The following ANKRD44 variants were observed in gnomAD, a reference collection of about 807,000 sequenced individuals.
ANKRD44 encodes serine/threonine-protein phosphatase 6 regulatory ankyrin repeat subunit B.
Under a neutral mutation model 116.0 loss-of-function variants are expected in ANKRD44, and 35 were observed. The ratio of observed to expected loss-of-function variants is 0.30; its 90% CI spans 0.23 to 0.40. ANKRD44 has a LOEUF of 0.40. Among genes scored for constraint, ANKRD44 ranks in the 10% least tolerant of loss-of-function variants. The probability of loss-of-function intolerance (pLI) is 1.00; values close to 1 mark genes in which losing one functional copy is unlikely to be tolerated. For missense variants in ANKRD44, 1,014 were observed against 1,242.6 expected (o/e 0.82, Z 2.77); for synonymous variants, 435 against 461.8 (o/e 0.94, Z 0.74).
chr2:197,138,141 G>C (rs1263773112), intron 3 of ANKRD44, among the ~76,000 whole-genome samples: 1 of 152,158 alleles, frequency 6.6e-6, no homozygotes, highest in Non-Finnish European at 1.5e-5. Context: ...CATTTCACCA[G>C]GTGCTAAGGA....
rs148448914 is a variant in ANKRD44 at position 197,289,033 on chromosome 2, T to C, written c.27+21545A>G. Among the ~76,000 whole-genome samples, 30 of 152,256 alleles carry C rather than the reference T, an allele frequency of 2.0e-4. 1 individual carries two copies. In the East Asian group the frequency reaches 5.8e-3, roughly 29 times the overall value. ...ACCTAGCAACAATATTTTGTATATT[T>C]CAAAGTAACTAGAAGAGAGGCTCTA... On this transcript the variant is annotated intron_variant, in intron 1 of 27. Coordinates refer to ENST00000282272, the MANE Select transcript of ANKRD44 (RefSeq NM_001195144.2).
intron 1 of ANKRD44, among the ~76,000 whole-genome samples, chr2:197,205,796 G>A (rs2081193123): frequency 6.6e-6 from 1 of 152,188 alleles, no homozygotes; most frequent in African/African-American, 2.4e-5. Flanking sequence ...ACCCAGCCTT[G>A]TGTCATCAGG....
intron 21 of ANKRD44, among the ~76,000 whole-genome samples, chr2:197,004,740 C>T (rs1478905100): frequency 2.0e-5 from 3 of 152,006 alleles, no homozygotes; most frequent in African/African-American, 4.8e-5. Context: ...ACACAAACCC[C>T]CTTACTCAAT....
At chr2:197,118,087 C>A (rs1036031584) in intron 8 of ANKRD44, among the ~76,000 whole-genome samples, 1 of 151,814 alleles carries the variant, frequency 6.6e-6, no homozygotes, top group African/African-American at 2.4e-5. Context: ...GTGGCGTACA[C>A]CTGTAATCCC....
At chr2:196,992,051 T>C (rs2075928067) in intron 27 of ANKRD44, among the ~76,000 whole-genome samples, 1 of 152,222 alleles carries the variant, frequency 6.6e-6, no homozygotes, top group African/African-American at 2.4e-5. Context: ...TAACTCATAA[T>C]ATAGGTTCCT....
intron 1 of ANKRD44, among the ~76,000 whole-genome samples, chr2:197,274,751 G>T (rs1336482958): frequency 3.9e-5 from 6 of 151,934 alleles, no homozygotes; most frequent in African/African-American, 1.5e-4. Flanking sequence ...AGTACTTTAG[G>T]GTTTCTTTAA....
At chr2:197,248,402 A>G (rs1282050134) in intron 1 of ANKRD44, among the ~76,000 whole-genome samples, 1 of 152,008 alleles carries the variant, frequency 6.6e-6, no homozygotes, top group Non-Finnish European at 1.5e-5. Flanking sequence ...CACACTACAG[A>G]TTTGAGATTT....
chr2:197,183,336 GT>G (rs2125588163), intron 2 of ANKRD44, among the ~76,000 whole-genome samples: 1 of 152,128 alleles, frequency 6.6e-6, no homozygotes, highest in South Asian at 2.1e-4. Flanking sequence ...AAAGCAAGGG[GT>G]AAGAAGACAA....
chr2:197,310,535 C>A (rs1030762579), intron 1 of ANKRD44, 43 bp downstream of exon 1: 1 of 1,065,584 alleles, frequency 9.4e-7, no homozygotes, highest in Non-Finnish European at 1.1e-6. Flanking sequence ...TCCGCGCCGC[C>A]CCGCGCCCGC....
intron 1 of ANKRD44, among the ~76,000 whole-genome samples, chr2:197,284,611 C>G (rs545538086): frequency 1.3e-5 from 2 of 151,794 alleles, no homozygotes; most frequent in Non-Finnish European, 2.9e-5. Context: ...TAGAGCCAGG[C>G]GTGGTGGCTC....
chr2:197,017,988 G>A (rs1173036817), intron 17 of ANKRD44, among the ~76,000 whole-genome samples: 1 of 152,214 alleles, frequency 6.6e-6, no homozygotes, highest in Admixed American at 6.5e-5. Context: ...TCAGGTATCT[G>A]GCAGGAATCT....
intron 1 of ANKRD44, among the ~76,000 whole-genome samples, chr2:197,305,852 C>T (rs1481026247): frequency 2.0e-5 from 3 of 151,514 alleles, no homozygotes; most frequent in African/African-American, 7.3e-5. Flanking sequence ...TAGAAGGAAA[C>T]ATATCAAAAT....
At chr2:197,192,072 A>G (rs1418433165) in intron 1 of ANKRD44, among the ~76,000 whole-genome samples, 1 of 152,190 alleles carries the variant, frequency 6.6e-6, no homozygotes, top group East Asian at 1.9e-4. Context: ...CCATCCGGCT[A>G]TGAAGTCATC....
At chr2:197,008,021 C>T (rs895337163) in intron 19 of ANKRD44, 98 bp from the exon 20 acceptor site, 5 of 796,264 alleles carry the variant, frequency 6.3e-6, no homozygotes, top group East Asian at 5.1e-5. Flanking sequence ...TTCTCTTCCC[C>T]TCTCCTTTTG....
intron 10 of ANKRD44, 148 bp from the exon 11 acceptor site, chr2:197,090,180 A>G (rs1482990040): frequency 1.2e-5 from 7 of 606,016 alleles, no homozygotes; most frequent in South Asian, 2.0e-5. Context: ...TCTTCCATTC[A>G]ATAAATAATT....
chr2:197,088,318 A>G (rs1488090509), intron 12 of ANKRD44, among the ~76,000 whole-genome samples: 2 of 152,228 alleles, frequency 1.3e-5, no homozygotes, highest in Admixed American at 1.3e-4. Context: ...CTGTAAATGA[A>G]CATAAATTAA....
chr2:196,981,827 C>CT (rs1320290743), downstream of ANKRD44, among the ~76,000 whole-genome samples: 1 of 151,764 alleles, frequency 6.6e-6, no homozygotes, highest in Non-Finnish European at 1.5e-5. Context: ...CTCTATCTTG[C>CT]CAAATCCATT....
At chr2:196,977,398 G>C (rs2075768124) in intron 21 of ANKRD44, among the ~76,000 whole-genome samples, 1 of 150,262 alleles carries the variant, frequency 6.7e-6, no homozygotes, top group African/African-American at 2.4e-5. Flanking sequence ...ATACTGTCGA[G>C]AAAAGGAAAA....
intron 2 of ANKRD44, among the ~76,000 whole-genome samples, chr2:197,161,734 G>A (rs188319204): frequency 1.2e-4 from 19 of 152,298 alleles, no homozygotes; most frequent in Admixed American, 1.2e-3. Flanking sequence ...ATTTCTGAAA[G>A]TGGTCTACAT....
Sources: allele counts gnomAD v4.1 joint callset (sites outside exome capture counted in the v4.1 genomes callset), GRCh38; gene constraint gnomAD v4.1.1; transcripts MANE v1.5; gene names NCBI Gene and HGNC (gene_info 2026-07-23, HGNC 2026-07-21).